Variants in CACHD1 observed in about 807,000 individuals in gnomAD.
The protein encoded by CACHD1 is cache domain containing 1.
Under a neutral mutation model 138.7 loss-of-function variants are expected in CACHD1, and 71 were observed. The ratio of observed to expected loss-of-function variants is 0.51; its 90% CI spans 0.42 to 0.62. CACHD1 has a LOEUF of 0.62. Ranked by LOEUF, CACHD1 falls within the 20% of genes least tolerant of loss-of-function variation. The pLI is 0.00. For synonymous variants in CACHD1, 578 were observed against 591.5 expected, an observed-to-expected ratio of 0.98 and a Z score of 0.33; for missense variants, 1,389 against 1,625.3, an observed-to-expected ratio of 0.85 and a Z score of 2.50.
intron 4 of CACHD1, among the ~76,000 whole-genome samples, chr1:64,619,757 G>A (rs769761847): frequency 1.3e-5 from 2 of 152,084 alleles, no homozygotes; most frequent in Admixed American, 6.6e-5. Context: ...TGCCTTACAC[G>A]TAGTCAGGAC....
intron 1 of CACHD1, among the ~76,000 whole-genome samples, chr1:64,528,786 G>A (rs1309622329): frequency 1.3e-5 from 2 of 151,916 alleles, no homozygotes; most frequent in South Asian, 4.2e-4. Context: ...AAGAATTAGT[G>A]TATTATTATT....
At chr1:64,521,297 G>A (rs1646496730) in intron 1 of CACHD1, among the ~76,000 whole-genome samples, 2 of 152,184 alleles carry the variant, frequency 1.3e-5, no homozygotes, top group Admixed American at 6.5e-5. Flanking sequence ...CACAACATGT[G>A]TGGTGTTTGC....
In CACHD1 at chr1:64,498,618, C is replaced by T. The variant is rs150032167; in HGVS notation, c.198+27676C>T. Among the ~76,000 whole-genome samples the T allele has an allele frequency of 5.8e-3, 884 of 152,306 alleles. 11 individuals carry two copies. The highest frequency in any genetic ancestry group is 0.034 in the Middle Eastern group (10 of 294). On this transcript the variant is annotated intron_variant, in intron 1 of 26. Transcript: ENST00000651257. ...TGGCACTTCTACCACACTACAGCAT[C>T]TCTCAGTATTTGAAATGTGAAAAAA... is the stretch of plus-strand genomic sequence containing the variant.
chr1:64,615,687 G>A (rs1171253077), intron 4 of CACHD1, among the ~76,000 whole-genome samples: 10 of 152,142 alleles, frequency 6.6e-5, no homozygotes, highest in Non-Finnish European at 5.9e-5. Flanking sequence ...GGTGAAAAAA[G>A]GATTGTGATT....
chr1:64,530,931 TTG>T lies in CACHD1; in HGVS notation c.199-19661_199-19660del, dbSNP rs1491326783. On this transcript the variant is annotated intron_variant, in intron 1 of 26. Transcript: ENST00000651257. ...TATCAACATTCCATCGTGTTTTTTT[TTG>T]TTTTTTTTTTTTTTAGAAGGAAGAA... 7.2e-4 allele frequency among the ~76,000 whole-genome samples: 60 copies of T among 83,674 alleles called. 2 individuals carry two copies. Among genetic ancestry groups the T allele is most frequent in the African/African-American group, 9.9e-4 (37 of 37,490 alleles). 54.9% of individuals were successfully genotyped at this position (83,674 alleles called of 152,430 possible).
chr1:64,684,037 C>T lies in CACHD1; in HGVS notation c.3586+1931C>T, dbSNP rs376146584. Among the ~76,000 whole-genome samples the T allele has an allele frequency of 2.6e-5, 4 of 152,360 alleles. No individual in the cohort carries two copies. The East Asian group carries it at 7.7e-4, about 29-fold the overall frequency. ...ACTGCATAACAACACTTCGCATATA[C>T]TACAGGGGTCCCATGAGATTATAAT... On this transcript the variant is annotated intron_variant, in intron 26 of 26. Transcript: ENST00000651257.
chr1:64,673,674 T>A (rs1649894055), intron 19 of CACHD1, among the ~76,000 whole-genome samples: 1 of 152,166 alleles, frequency 6.6e-6, no homozygotes, highest in African/African-American at 2.4e-5. Context: ...AGTTTTAAGG[T>A]CTCTCAGTTG....
intron 4 of CACHD1, among the ~76,000 whole-genome samples, chr1:64,614,637 T>A (rs1557520181): frequency 1.3e-5 from 2 of 152,104 alleles, no homozygotes; most frequent in East Asian, 3.9e-4. Context: ...GTGTTGCTCT[T>A]GTTTGGTCTA....
intron 4 of CACHD1, among the ~76,000 whole-genome samples, chr1:64,615,129 C>A (rs1256659301): frequency 1.3e-5 from 2 of 152,180 alleles, no homozygotes; most frequent in Non-Finnish European, 2.9e-5. Context: ...ATTGTTTCAT[C>A]CTACAGCACG....
intron 1 of CACHD1, among the ~76,000 whole-genome samples, chr1:64,497,115 G>T (rs1188581627): frequency 1.3e-5 from 2 of 152,002 alleles, no homozygotes; most frequent in African/African-American, 2.4e-5. Flanking sequence ...TATTAGCTTT[G>T]CAGTAAAAAA....
In CACHD1 at chr1:64,647,983, A is replaced by G. The variant is rs775840731; in HGVS notation, c.1339A>G (p.Met447Val). ...GTTCTACACAAACCTTCCCAACCGGATGATTGATGAAGCCGTCTTCAGCCT... is the reference window on the plus strand; with the variant it reads ...GTTCTACACAAACCTTCCCAACCGGGTGATTGATGAAGCCGTCTTCAGCCT... Reference protein sequence around the residue: ...GRFYTNLPNRMIDEAVFSLPF... With the variant: ...GRFYTNLPNRVIDEAVFSLPF... Residue 447 changes from methionine to valine, a missense_variant, in exon 9 of 27, where the codon ATG becomes GTG. Physicochemically the swap from Met to Val is conservative, Grantham distance 21. This residue lies in a region of CACHD1 where 1,000 missense variants were observed against 1,114.7 expected (regional missense o/e 0.90). Coordinates refer to ENST00000651257, the MANE Select transcript of CACHD1 (RefSeq NM_020925.4). 6.2e-7 allele frequency: 1 copy of G among 1,614,022 alleles called. No homozygotes were observed. Among genetic ancestry groups the G allele is most frequent in the South Asian group, 1.1e-5 (1 of 91,048 alleles).
At position 64,665,137 on chromosome 1, in the gene CACHD1, A is replaced by G. The variant is rs570085710; in HGVS notation, c.2276+458A>G. On this transcript the variant is annotated intron_variant, in intron 15 of 26. Transcript: ENST00000651257. ...AGCTAACAATGTGCTATAGCATAGC[A>G]GGGGAGTCAACTGGACATAAGAACA... is the stretch of plus-strand genomic sequence containing the variant. Among the ~76,000 whole-genome samples, 57 of 152,220 alleles carry G rather than the reference A, an allele frequency of 3.7e-4. No homozygotes were observed. In the Middle Eastern group the frequency reaches 0.01, roughly 27 times the overall value.
intron 3 of CACHD1, among the ~76,000 whole-genome samples, chr1:64,593,056 G>T (rs942315066): frequency 1.3e-5 from 2 of 152,156 alleles, no homozygotes; most frequent in Non-Finnish European, 2.9e-5. Context: ...AGGAGCAAAA[G>T]AAAACTTTTA....
At chr1:64,562,461 GT>G (rs1646848488) in intron 2 of CACHD1, among the ~76,000 whole-genome samples, 1 of 145,520 alleles carries the variant, frequency 6.9e-6, no homozygotes, top group Non-Finnish European at 1.5e-5. Context: ...CCAGGCTGGA[GT>G]GCAGTGGCAT....
At chr1:64,543,402 C>CATATATATAT (rs140966471) in intron 1 of CACHD1, among the ~76,000 whole-genome samples, 3,373 of 126,734 alleles carry the variant, frequency 0.027, 151 homozygotes, top group African/African-American at 0.091. Flanking sequence ...AAAAAAAATA[C>CATATATATAT]ATATATATAT....
intron 1 of CACHD1, among the ~76,000 whole-genome samples, chr1:64,537,711 G>T (rs1346100364): frequency 3.9e-5 from 6 of 152,170 alleles, no homozygotes; most frequent in African/African-American, 1.4e-4. Flanking sequence ...ATGAATACAT[G>T]TTCTTTTTGA....
At chr1:64,652,009 A>G (rs549629378) in intron 9 of CACHD1, 152 bp from the exon 10 acceptor site, 1 of 595,278 alleles carries the variant, frequency 1.7e-6, no homozygotes, top group South Asian at 2.7e-5. Context: ...TGCAAAGGCA[A>G]TGCTTGATTA....
chr1:64,676,815 G>T, intron 21 of CACHD1, 80 bp from the exon 22 acceptor site: 1 of 1,095,954 alleles, frequency 9.1e-7, no homozygotes, highest in South Asian at 1.4e-5. Context: ...AAATCTGTCT[G>T]ACTGCTGTTA....
rs12120246 is a variant in CACHD1, at chr1:64,644,234, T to C, written c.1156+2265T>C. Among the ~76,000 whole-genome samples, 1,063 of 152,312 alleles carry C rather than the reference T, an allele frequency of 7.0e-3. 6 individuals carry two copies. The highest frequency in any genetic ancestry group is 0.011 in the Non-Finnish European group (772 of 68,030). On this transcript the variant is annotated intron_variant, in intron 8 of 26. Coordinates refer to ENST00000651257, the MANE Select transcript of CACHD1 (RefSeq NM_020925.4). ...CCTTTGTGTTGGATTCTTTCATTCA[T>C]GAGAGGTAGGAAGGGTGGGAGAAAA... is the stretch of plus-strand genomic sequence containing the variant.
Sources: gnomAD v4.1 joint callset for allele counts (sites outside exome capture counted in the v4.1 genomes callset) on GRCh38, gnomAD v4.1.1 for gene constraint, gnomAD v4.1.1 regional missense constraint, MANE v1.5 for transcripts, NCBI Gene and HGNC (gene_info 2026-07-23, HGNC 2026-07-21) for gene names.